DCLRE1C: variants seen among roughly 807,000 people sequenced by gnomAD.
DCLRE1C encodes the protein protein artemis.
In DCLRE1C, 47 loss-of-function variants were observed where a neutral mutation model predicts 61.4. The ratio of observed to expected loss-of-function variants is 0.77; its 90% CI spans 0.61 to 0.98. The LOEUF is 0.98. DCLRE1C is among the 50% of genes least tolerant of loss of function. The probability of loss-of-function intolerance (pLI) is 0.00; values close to 1 mark genes in which losing one functional copy is unlikely to be tolerated. For missense variants in DCLRE1C, 858 were observed against 816.0 expected, an observed-to-expected ratio of 1.05 and a Z score of -0.63; for synonymous variants, 337 against 287.6, an observed-to-expected ratio of 1.17 and a Z score of -1.74.
chr10:14,928,791 T>G (rs1838465899), intron 9 of DCLRE1C, among the ~76,000 whole-genome samples: 1 of 143,330 alleles, frequency 7.0e-6, no homozygotes, highest in Admixed American at 7.1e-5. Context: ...ATGGTGTTTT[T>G]TTTTTTTTTT....
In DCLRE1C at chr10:14,897,421, G is replaced by A. The variant is rs368991744; in HGVS notation, c.*1743C>T. 6.3e-5 allele frequency: 101 copies of A among 1,612,966 alleles called. 1 individual carries two copies. Among genetic ancestry groups the A allele is most frequent in the Admixed American group, 2.8e-4 (17 of 59,988 alleles). On this transcript the variant is annotated 3_prime_UTR_variant, in exon 14 of 14. Transcript: ENST00000378289. The stretch of plus-strand genomic sequence containing the variant: ...TTGTACAAAAAGGCACACAGTATTC[G>A]CTTTGCATCTTTCGAACTAGCAATG...
intron 11 of DCLRE1C, among the ~76,000 whole-genome samples, chr10:14,924,398 A>G (rs775124982): frequency 9.2e-5 from 14 of 152,150 alleles, no homozygotes; most frequent in Non-Finnish European, 2.1e-4. Context: ...CATCTCTACA[A>G]CCTAGAGGAA....
intron 13 of DCLRE1C, chr10:14,911,350 G>C (rs1022644083): frequency 1.3e-5 from 2 of 152,166 alleles, no homozygotes; most frequent in Non-Finnish European, 2.9e-5. Flanking sequence ...AAAGGTAAAA[G>C]ACACGAAAAG....
At chr10:14,945,605 A>C (rs951708803) in intron 2 of DCLRE1C, 24 of 1,008,220 alleles carry the variant, frequency 2.4e-5, no homozygotes, top group Non-Finnish European at 2.8e-5. Context: ...CCTCTGGAAA[A>C]GGTGTGTTGA....
At chr10:14,918,801 A>G (rs1279181676) in intron 13 of DCLRE1C, among the ~76,000 whole-genome samples, 1 of 152,202 alleles carries the variant, frequency 6.6e-6, no homozygotes, top group African/African-American at 2.4e-5. Flanking sequence ...TTACTATATC[A>G]GTCTTGGAAT....
chr10:14,933,911 G>T (rs1839438051), intron 8 of DCLRE1C, among the ~76,000 whole-genome samples: 1 of 152,172 alleles, frequency 6.6e-6, no homozygotes, highest in Non-Finnish European at 1.5e-5. Context: ...CCTTCAGAGG[G>T]CCCGCGAACC....
At chr10:14,899,566 C>G in intron 13 of DCLRE1C, 1 of 1,614,052 alleles carries the variant, frequency 6.2e-7, no homozygotes, top group Non-Finnish European at 8.5e-7. Flanking sequence ...AGCTGAAAGA[C>G]GAGGACAGTT....
intron 4 of DCLRE1C, among the ~76,000 whole-genome samples, 171 bp downstream of exon 4, chr10:14,939,639 C>T (rs577970003): frequency 6.6e-6 from 1 of 152,260 alleles, no homozygotes; most frequent in East Asian, 1.9e-4. Flanking sequence ...CCTAAAACCC[C>T]ACTCAATGAC....
At chr10:14,937,340 C>T (rs149342570) in intron 4 of DCLRE1C, among the ~76,000 whole-genome samples, 2,280 of 139,770 alleles carry the variant, frequency 0.016, 55 homozygotes, top group African/African-American at 0.059. Flanking sequence ...GGCTGGAGTG[C>T]GATGGTGTGA....
intron 13 of DCLRE1C, among the ~76,000 whole-genome samples, chr10:14,916,732 A>G (rs765731026): frequency 1.3e-5 from 2 of 152,242 alleles, no homozygotes; most frequent in African/African-American, 2.4e-5. Context: ...GCTGGAAATC[A>G]TAAAACACTG....
downstream of DCLRE1C, chr10:14,903,942 C>G (rs1309235094): frequency 2.0e-5 from 3 of 152,164 alleles, no homozygotes. Flanking sequence ...GACAACTTCA[C>G]TCTTTCATAA....
At chr10:14,940,922 G>A (rs1467422481) in intron 3 of DCLRE1C, among the ~76,000 whole-genome samples, 4 of 152,068 alleles carry the variant, frequency 2.6e-5, no homozygotes, top group Admixed American at 6.5e-5. Context: ...TCGCTCTGTC[G>A]CCCAGGCTGG....
chr10:14,951,461 A>C (rs1490933160), intron 1 of DCLRE1C, among the ~76,000 whole-genome samples: 1 of 151,196 alleles, frequency 6.6e-6, no homozygotes, highest in African/African-American at 2.4e-5. Flanking sequence ...TTTTTCTAGC[A>C]AAAGAGTCCA....
Position 14,908,698 on chromosome 10 carries a change from A to C in DCLRE1C, c.1789T>G (p.Cys597Gly), listed in dbSNP as rs202023333. 6.2e-7 allele frequency: 1 copy of C among 1,614,200 alleles called. No individual in the cohort carries two copies. The highest frequency in any genetic ancestry group is 2.2e-5 in the East Asian group (1 of 44,880). Residue 597 changes from cysteine (C) to glycine (G), a missense_variant, in exon 14 of 14, where the codon TGC becomes GGC. Around this residue, in one of 2 missense-constraint regions of DCLRE1C, gnomAD observed 843 missense variants for 783.5 expected, o/e 1.08. Coordinates refer to ENST00000378278, the MANE Select transcript of DCLRE1C (RefSeq NM_001033855.3). ...PASLMEQNVI[C>G]PKDTYSDLKS... ...AAATCAGAGTAAGTATCCTTTGGGC[A>C]AATTACATTTTGTTCCATGAGAGAG...
chr10:14,901,365 G>C, downstream of DCLRE1C: 1 of 1,479,438 alleles, frequency 6.8e-7, no homozygotes, highest in Non-Finnish European at 9.2e-7. Context: ...TAATACTAAA[G>C]ATGAAAAGTT....
At chr10:14,934,817 T>G (rs369919971) in intron 6 of DCLRE1C, 42 bp from the exon 7 acceptor site, 1 of 1,455,712 alleles carries the variant, frequency 6.9e-7, no homozygotes, top group Non-Finnish European at 9.7e-7. Flanking sequence ...CAATGTGATA[T>G]AAATTATGTG....
chr10:14,953,423 A>T (rs1842744829), intron 1 of DCLRE1C, among the ~76,000 whole-genome samples: 1 of 152,108 alleles, frequency 6.6e-6, no homozygotes, highest in African/African-American at 2.4e-5. Flanking sequence ...TTCATATTGG[A>T]TACGGACAGA....
At chr10:14,898,947 G>A (rs934914278) in exon 14 of DCLRE1C, 7 of 416,408 alleles carry the variant, frequency 1.7e-5, no homozygotes, top group Non-Finnish European at 3.0e-5. Context: ...GTTGTGTCCT[G>A]TAGAGAGCTA....
At chr10:14,899,959 G>A (rs917697639), downstream of DCLRE1C, among the ~76,000 whole-genome samples, 5 of 152,026 alleles carry the variant, frequency 3.3e-5, no homozygotes, top group Non-Finnish European at 1.5e-5. Context: ...TTGTACGGTA[G>A]GTATTACTTT....
Sources: gnomAD v4.1 joint callset for allele counts (sites outside exome capture counted in the v4.1 genomes callset) on GRCh38, gnomAD v4.1.1 for gene constraint, gnomAD v4.1.1 regional missense constraint, MANE v1.5 for transcripts, NCBI Gene and HGNC (gene_info 2026-07-23, HGNC 2026-07-21) for gene names.